Variants in F8 observed in about 807,000 individuals in gnomAD.
The protein encoded by F8 is coagulation factor VIII.
A neutral mutation model predicts 140.6 loss-of-function variants in F8; 12 were observed. The ratio of observed to expected loss-of-function variants is 0.09; its 90% CI spans 0.05 to 0.14. The LOEUF (loss-of-function observed/expected upper bound fraction) is 0.14. Among genes scored for constraint, F8 ranks in the 10% least tolerant of loss-of-function variants. F8 has a pLI of 1.00. For synonymous variants in F8, 585 were observed against 614.6 expected (o/e 0.95, Z 0.71); for missense variants, 1,354 against 1,720.7 (o/e 0.79, Z 3.77).
chrX:154,994,243 T>G (rs1221419185), intron 3 of F8, among the ~76,000 whole-genome samples: 1 of 112,551 alleles, frequency 8.9e-6, no homozygotes, highest in Non-Finnish European at 1.9e-5. Context: ...AACACACTTT[T>G]TATGATGATG....
chrX:155,007,217 A>T (rs1168947527), intron 1 of F8, among the ~76,000 whole-genome samples: 3 of 112,840 alleles, frequency 2.7e-5, no homozygotes, highest in Non-Finnish European at 5.6e-5. Flanking sequence ...GTTAATGCCA[A>T]CAGAAAGCAT....
chrX:154,896,272 A>G, intron 21 of F8, 40 bp from the exon 22 acceptor site: 4 of 1,157,405 alleles, frequency 3.5e-6, no homozygotes, highest in Non-Finnish European at 4.7e-6. Flanking sequence ...CCTATTTTTA[A>G]ATGTATGTGC....
At chrX:154,964,090 C>A (rs1398140764) in intron 9 of F8, among the ~76,000 whole-genome samples, 3 of 111,801 alleles carry the variant, frequency 2.7e-5, no homozygotes, top group Non-Finnish European at 5.6e-5. Context: ...TGCACACACA[C>A]ACACACATAC....
chrX:154,954,352 A>G (rs2073353063), intron 11 of F8, among the ~76,000 whole-genome samples: 1 of 111,987 alleles, frequency 8.9e-6, no homozygotes, highest in Non-Finnish European at 1.9e-5. Flanking sequence ...TATTCTCTTC[A>G]TGTTCAGATT....
At chrX:154,853,104 T>C (rs1487663113) in intron 25 of F8, among the ~76,000 whole-genome samples, 5 of 111,800 alleles carry the variant, frequency 4.5e-5, no homozygotes, top group Non-Finnish European at 7.5e-5. Flanking sequence ...AGTTCTTTAG[T>C]TTCTTTCAAC....
At chrX:154,999,731 C>T (rs1401509234) in intron 1 of F8, 131 bp from the exon 2 acceptor site, 2 of 762,277 alleles carry the variant, frequency 2.6e-6, no homozygotes, top group East Asian at 3.8e-5. Context: ...AAATCCCTAA[C>T]ATCCATTAAA....
At chrX:155,003,557 A>C (rs1175049897) in intron 1 of F8, among the ~76,000 whole-genome samples, 2 of 111,962 alleles carry the variant, frequency 1.8e-5, no homozygotes, top group East Asian at 5.5e-4. Context: ...GAATGCAGAA[A>C]TGAATAGGAG....
chrX:154,955,306 A>G (rs1275425836), intron 11 of F8, among the ~76,000 whole-genome samples: 2 of 88,995 alleles, frequency 2.2e-5, no homozygotes, highest in African/African-American at 4.4e-5. Flanking sequence ...ACACACCACC[A>G]TGCCCAGCTA....
intron 13 of F8, among the ~76,000 whole-genome samples, chrX:154,933,927 TTG>T (rs1361626308): frequency 1.8e-5 from 2 of 111,703 alleles, no homozygotes; most frequent in African/African-American, 6.5e-5. Context: ...GATGATCAGT[TTG>T]TGTGTGTATG....
rs782321143 is a variant in F8, at chrX:154,929,380, C to T, written c.4410G>A (p.Glu1470=). The change falls in exon 14 of 26, where the codon GAG becomes GAA. Residue 1470 remains glutamate (E), a synonymous_variant. Transcript: ENST00000360256. ...CAACCTCTCTTTGATCACCAGTCAT[C>T]TCCAAGGTTAGAATGGCTAAAGAAA... ...NNLSLAILTL[E]MTGDQREVGS... 7 of 1,211,769 alleles carry T rather than the reference C, an allele frequency of 5.8e-6. No individual in the cohort carries two copies. In the East Asian group the frequency reaches 2.1e-4, roughly 36 times the overall value.
chrX:154,862,895 T>C (rs1174450368), intron 23 of F8, among the ~76,000 whole-genome samples, 188 bp downstream of exon 23: 2 of 112,176 alleles, frequency 1.8e-5, no homozygotes, highest in African/African-American at 6.5e-5. Context: ...CCTTTGATTA[T>C]ATACCCAGTG....
At chrX:154,914,638 G>A (rs28884320) in intron 14 of F8, among the ~76,000 whole-genome samples, 5 of 111,734 alleles carry the variant, frequency 4.5e-5, no homozygotes, top group African/African-American at 6.5e-5. Context: ...TAACAAGTTC[G>A]TCATCTCCAT....
chrX:154,907,126 A>G (rs782401445), intron 14 of F8, among the ~76,000 whole-genome samples: 13 of 112,115 alleles, frequency 1.2e-4, no homozygotes, highest in Admixed American at 2.8e-4. Flanking sequence ...TCTGATCTTT[A>G]TGATAATCAT....
chrX:154,918,379 C>T (rs1200724366), intron 14 of F8, among the ~76,000 whole-genome samples: 2 of 111,240 alleles, frequency 1.8e-5, no homozygotes, highest in Admixed American at 1.9e-4. Context: ...CATCCTTTGT[C>T]TCTAGCTGCC....
At chrX:154,847,964 G>T (rs1385752544) in intron 25 of F8, among the ~76,000 whole-genome samples, 8 of 112,741 alleles carry the variant, frequency 7.1e-5, no homozygotes, top group Admixed American at 6.5e-4. Context: ...ATGGGGTTTT[G>T]GTGTGGATGT....
At chrX:154,920,279 G>A (rs1242407109) in intron 14 of F8, 1 of 108,438 alleles carries the variant, frequency 9.2e-6, no homozygotes, top group Non-Finnish European at 1.9e-5. Context: ...TAGTTTGATG[G>A]CTTTCTGTAG....
At chrX:154,934,267 A>G (rs2073212584) in intron 13 of F8, among the ~76,000 whole-genome samples, 1 of 111,870 alleles carries the variant, frequency 8.9e-6, no homozygotes, top group African/African-American at 3.2e-5. Flanking sequence ...GTCCAAGAAG[A>G]CATACTTCCT....
chrX:154,991,104 T>C (rs2073585345), intron 4 of F8, among the ~76,000 whole-genome samples: 1 of 112,285 alleles, frequency 8.9e-6, no homozygotes, highest in Non-Finnish European at 1.9e-5. Flanking sequence ...AAGTTTTTAC[T>C]CCGGCAGGTT....
chrX:155,007,956 C>T (rs1557286197), intron 1 of F8, among the ~76,000 whole-genome samples: 2 of 111,271 alleles, frequency 1.8e-5, no homozygotes, highest in South Asian at 3.9e-4. Flanking sequence ...CATTGTGATA[C>T]CTAATCTTGG....
Sources: gnomAD v4.1 joint callset for allele counts (sites outside exome capture counted in the v4.1 genomes callset) on GRCh38, gnomAD v4.1.1 for gene constraint, MANE v1.5 for transcripts, NCBI Gene and HGNC (gene_info 2026-07-23, HGNC 2026-07-21) for gene names.